Variants in BIN3 observed in about 807,000 individuals in gnomAD.
BIN3 encodes the protein bridging integrator 3.
Under a neutral mutation model 38.2 loss-of-function variants are expected in BIN3, and 41 were observed. That is an observed-to-expected ratio of 1.07 (90% CI 0.84 to 1.39). BIN3 has a LOEUF of 1.39. BIN3 is among the 40% of genes most tolerant of loss of function. The pLI is 0.00. For synonymous variants in BIN3, 145 were observed against 122.6 expected (o/e 1.18, Z -1.21); for missense variants, 361 against 324.3 (o/e 1.11, Z -0.87).
At chr8:22,625,720 T>C in intron 6 of BIN3, 1 of 293,386 alleles carries the variant, frequency 3.4e-6, no homozygotes, top group Admixed American at 4.0e-5. Context: ...CCCGAAGAGC[T>C]AGGATTACAG....
At chr8:22,622,426 G>A (rs2117491194) in intron 8 of BIN3, 1 of 152,430 alleles carries the variant, frequency 6.6e-6, no homozygotes, top group East Asian at 1.9e-4. Flanking sequence ...CGGCCGAGGG[G>A]GTGCTAAAGT....
intron 4 of BIN3, among the ~76,000 whole-genome samples, chr8:22,635,906 G>C (rs1309904019): frequency 2.0e-5 from 3 of 152,058 alleles, no homozygotes; most frequent in Admixed American, 2.0e-4. Flanking sequence ...TTCCCGACCT[G>C]CTTGTGTCTC....
chr8:22,623,827 T>C, intron 8 of BIN3, 88 bp downstream of exon 8: 6 of 1,475,488 alleles, frequency 4.1e-6, no homozygotes, highest in Non-Finnish European at 5.5e-6. Context: ...TTACGGAGAA[T>C]GGCTAAGCCA....
chr8:22,645,577 C>G (rs114715428), intron 1 of BIN3, among the ~76,000 whole-genome samples: 8 of 134,108 alleles, frequency 6.0e-5, no homozygotes, highest in African/African-American at 3.1e-4. Context: ...AGAGGAAAGG[C>G]GAGGATGGCA....
intron 6 of BIN3, among the ~76,000 whole-genome samples, chr8:22,628,081 G>C (rs1172016061): frequency 2.0e-5 from 3 of 152,234 alleles, no homozygotes; most frequent in Non-Finnish European, 4.4e-5. Context: ...GAAGGTGAGC[G>C]AGGCCGGCTG....
In BIN3 at chr8:22,625,212, G is replaced by A. The variant is rs1801966337; in HGVS notation, c.339-849C>T. ...CACCGGCCTCGTCTTTGTGGATCAT[G>A]TGTCCTCTAGTGACCAGGAGCAGTG... On this transcript the variant is annotated intron_variant, in intron 6 of 8. Transcript: ENST00000276416. 21 of 659,896 alleles carry A rather than the reference G, an allele frequency of 3.2e-5. 1 individual carries two copies. Among genetic ancestry groups the A allele is most frequent in the South Asian group, 3.1e-4 (20 of 63,682 alleles). 40.9% of individuals were successfully genotyped at this position (659,896 alleles called of 1,614,324 possible). A position where few individuals can be genotyped will look rare whatever the true frequency, so the allele number is the denominator to read the frequency against.
chr8:22,643,679 G>A (rs1218617256), intron 2 of BIN3, among the ~76,000 whole-genome samples: 2 of 152,210 alleles, frequency 1.3e-5, no homozygotes, highest in Non-Finnish European at 2.9e-5. Context: ...TGGAGCCATT[G>A]GTCAGATGTG....
intron 2 of BIN3, among the ~76,000 whole-genome samples, chr8:22,640,482 C>T (rs1165079089): frequency 6.6e-6 from 1 of 152,116 alleles, no homozygotes; most frequent in Non-Finnish European, 1.5e-5. Context: ...AGCCACCGCG[C>T]ACGGCCCACA....
At chr8:22,626,497 G>A (rs1223265263) in intron 6 of BIN3, 1 of 152,156 alleles carries the variant, frequency 6.6e-6, no homozygotes, top group African/African-American at 2.4e-5. Context: ...AATGGCCAAG[G>A]GACCACCGGC....
At position 22,620,995 on chromosome 8, in the gene BIN3, G is replaced by A. The variant is rs1240535774; in HGVS notation, c.*427C>T. The A allele has an allele frequency of 6.3e-6, 1 of 158,594 alleles. No individual in the cohort carries two copies. The highest frequency in any genetic ancestry group is 1.4e-5 in the Non-Finnish European group (1 of 71,856). 9.8% of individuals were successfully genotyped at this position (158,594 alleles called of 1,614,324 possible). A position where few individuals can be genotyped will look rare whatever the true frequency, so the allele number is the denominator to read the frequency against. Reference sequence around the variant, plus strand: ...GGTTCAGGGCCTCTCCCAGAAAAAAGAGGTTTTGAAGTGAAAAGGCAACGA... The same window carrying A: ...GGTTCAGGGCCTCTCCCAGAAAAAAAAGGTTTTGAAGTGAAAAGGCAACGA... On this transcript the variant is annotated 3_prime_UTR_variant, in exon 9 of 9. Coordinates refer to ENST00000276416, the MANE Select transcript of BIN3 (RefSeq NM_018688.6).
chr8:22,669,041 C>T lies in BIN3; in HGVS notation c.8+3G>A, dbSNP rs1352337581. The T allele has an allele frequency of 6.3e-7, 1 of 1,587,320 alleles. No homozygotes were observed. The highest frequency in any genetic ancestry group is 1.1e-5 in the South Asian group (1 of 87,036). On this transcript the variant is annotated splice_donor_region_variant and intron_variant, in intron 1 of 8. Transcript: ENST00000276416. ...CAGCTCCCGCCGCCTGGGCCTCACT[C>T]ACCAGCTCATGGTCCCGAACCTGCG...
chr8:22,664,022 A>G (rs915695893), intron 1 of BIN3, among the ~76,000 whole-genome samples: 8 of 152,240 alleles, frequency 5.3e-5, no homozygotes, highest in Non-Finnish European at 1.2e-4. Context: ...AGACTTTTGC[A>G]CATTATAAAT....
chr8:22,654,300 T>C (rs1336236435), intron 1 of BIN3, among the ~76,000 whole-genome samples: 1 of 152,242 alleles, frequency 6.6e-6, no homozygotes, highest in African/African-American at 2.4e-5. Flanking sequence ...AAATTAGATG[T>C]ATGTATTCAA....
At chr8:22,624,762 G>C (rs967469809) in intron 6 of BIN3, 2 of 211,130 alleles carry the variant, frequency 9.5e-6, no homozygotes, top group African/African-American at 4.6e-5. Context: ...GGGATGGTGG[G>C]GAAGGTGCCT....
At chr8:22,653,169 G>C (rs77559314) in intron 1 of BIN3, among the ~76,000 whole-genome samples, 2,849 of 152,254 alleles carry the variant, frequency 0.019, 87 homozygotes, top group African/African-American at 0.063. Flanking sequence ...GTCTTTGAAG[G>C]AGGGCGTATT....
At chr8:22,640,176 C>A (rs1438538130) in intron 2 of BIN3, among the ~76,000 whole-genome samples, 1 of 148,054 alleles carries the variant, frequency 6.8e-6, no homozygotes, top group Admixed American at 6.7e-5. Flanking sequence ...TGGACACATC[C>A]TTCTTCTTCT....
At chr8:22,659,937 A>G (rs573633154) in intron 1 of BIN3, among the ~76,000 whole-genome samples, 3 of 152,336 alleles carry the variant, frequency 2.0e-5, no homozygotes, top group Admixed American at 6.5e-5. Context: ...CAGGTCCAGA[A>G]GGGGTGACTT....
intron 1 of BIN3, among the ~76,000 whole-genome samples, chr8:22,661,123 G>A (rs570963814): frequency 2.0e-5 from 3 of 152,140 alleles, no homozygotes; most frequent in African/African-American, 4.8e-5. Context: ...GGACTCAAGC[G>A]ATCCTCCCGC....
intron 2 of BIN3, 134 bp from the exon 3 acceptor site, chr8:22,637,096 G>A (rs1480771844): frequency 9.3e-6 from 7 of 752,666 alleles, no homozygotes; most frequent in South Asian, 3.1e-5. Context: ...CACAAGCACC[G>A]ACAGATCGCT....
Sources: allele counts gnomAD v4.1 joint callset (sites outside exome capture counted in the v4.1 genomes callset), GRCh38; gene constraint gnomAD v4.1.1; transcripts MANE v1.5; gene names NCBI Gene and HGNC (gene_info 2026-07-23, HGNC 2026-07-21).